Variants in ATP1A3 observed in about 807,000 individuals in gnomAD.
The protein encoded by ATP1A3 is sodium/potassium-transporting ATPase subunit alpha-3.
Under a neutral mutation model 108.8 loss-of-function variants are expected in ATP1A3, and 12 were observed. That is an observed-to-expected ratio of 0.11 (90% CI 0.07 to 0.18). The LOEUF (loss-of-function observed/expected upper bound fraction) is 0.18, where lower values mean the gene tolerates loss of function less well. Among genes scored for constraint, ATP1A3 ranks in the 10% least tolerant of loss-of-function variants. The pLI is 1.00. For synonymous variants in ATP1A3, 539 were observed against 564.5 expected, an observed-to-expected ratio of 0.95 and a Z score of 0.64; for missense variants, 498 against 1,387.7, an observed-to-expected ratio of 0.36 and a Z score of 10.19.
intron 8 of ATP1A3, among the ~76,000 whole-genome samples, chr19:41,983,177 A>G (rs911700503): frequency 6.6e-6 from 1 of 151,838 alleles, no homozygotes; most frequent in African/African-American, 2.4e-5. Context: ...TCCCAGGTTC[A>G]AGCAATTCTT....
chr19:41,989,661 T>A (rs930895630), intron 1 of ATP1A3, among the ~76,000 whole-genome samples: 1 of 152,166 alleles, frequency 6.6e-6, no homozygotes, highest in Non-Finnish European at 1.5e-5. Flanking sequence ...TCTCCATCTC[T>A]TTCTCCTCTG....
chr19:41,994,177 T>G lies in ATP1A3; in HGVS notation c.-101A>C. Reference sequence around the variant, plus strand: ...TGGGAGCCTCTGCAGCGCCCGCGCCTCGGTAGGTGCGCGCGTCCGTCCGTC... The same window carrying G: ...TGGGAGCCTCTGCAGCGCCCGCGCCGCGGTAGGTGCGCGCGTCCGTCCGTC... On this transcript the variant is annotated 5_prime_UTR_variant, in exon 1 of 23. Transcript: ENST00000648268. 8.5e-7 allele frequency: 1 copy of G among 1,183,346 alleles called. No individual in the cohort carries two copies. Among genetic ancestry groups the G allele is most frequent in the South Asian group, 1.7e-5 (1 of 59,548 alleles). 73.3% of individuals were successfully genotyped at this position (1,183,346 alleles called of 1,614,324 possible). A position where few individuals can be genotyped will look rare whatever the true frequency, so the allele number is the denominator to read the frequency against.
Position 41,968,536 on chromosome 19 carries a change from T to C in ATP1A3, c.2819+249A>G, listed in dbSNP as rs193127893. On this transcript the variant is annotated intron_variant, in intron 20 of 22. Transcript: ENST00000648268. The surrounding 1 kb of genome is among the most constrained non-coding windows in gnomAD (Gnocchi z 5.0). ...AATAAATAAATAAAAATTAGCCATA[T>C]ATGATGGTGCACACCTGTAGTCTCA... Among the ~76,000 whole-genome samples, 127 of 152,090 alleles carry C rather than the reference T, an allele frequency of 8.4e-4. 1 individual carries two copies. The highest frequency in any genetic ancestry group is 1.6e-3 in the Non-Finnish European group (109 of 67,958).
In ATP1A3 at chr19:41,966,821, G is replaced by T; in HGVS notation, c.*116C>A. 6.5e-7 allele frequency: 1 copy of T among 1,542,704 alleles called. No individual in the cohort carries two copies. The highest frequency in any genetic ancestry group is 8.8e-7 in the Non-Finnish European group (1 of 1,141,708). ...GATAGTGGAGGGGGTGGGGGCCAAG[G>T]TGGGGCCACAGGAAGAGAGGGCTCC... is the stretch of plus-strand genomic sequence containing the variant. On this transcript the variant is annotated 3_prime_UTR_variant, in exon 23 of 23. Transcript: ENST00000648268.
At chr19:41,977,555 C>T (rs1027358739) in intron 14 of ATP1A3, among the ~76,000 whole-genome samples, 1 of 146,940 alleles carries the variant, frequency 6.8e-6, no homozygotes, top group Non-Finnish European at 1.5e-5. Flanking sequence ...AAAAAATTAG[C>T]GGGGCATGGT....
In ATP1A3 at chr19:41,969,502, A is replaced by G; in HGVS notation, c.2621T>C (p.Val874Ala). The G allele has an allele frequency of 6.2e-7, 1 of 1,614,094 alleles. No individual in the cohort carries two copies. Among genetic ancestry groups the G allele is most frequent in the South Asian group, 1.1e-5 (1 of 91,078 alleles). Residue 874 changes from valine to alanine, a missense_variant, in exon 19 of 23, where the codon GTG becomes GCG. Transcript: ENST00000648268. ...AENGFLPGNL[V>A]GIRLNWDDRT... ...GTCATCCCAGTTCAGCCGGATGCCCACCAGGTTGCCGGGCAAGAAGCCATT... is the reference window on the plus strand; with the variant it reads ...GTCATCCCAGTTCAGCCGGATGCCCGCCAGGTTGCCGGGCAAGAAGCCATT...
At chr19:41,974,444 G>A (rs1269436603) in intron 16 of ATP1A3, among the ~76,000 whole-genome samples, 3 of 152,090 alleles carry the variant, frequency 2.0e-5, no homozygotes, top group Admixed American at 6.6e-5. Context: ...CTCTATCCCC[G>A]CCCCCAGCCC....
rs140106872 is a variant in ATP1A3 at position 41,982,083 on chromosome 19, C to T, written c.1017G>A (p.Lys339=). The change falls in exon 9 of 23, where the codon AAG becomes AAA. Residue 339 remains lysine (K), a synonymous_variant. Coordinates refer to ENST00000648268, the MANE Select transcript of ATP1A3 (RefSeq NM_152296.5). ...CCAGGCAGTTCTTCCGGGCCATGCG[C>T]TTGGCGGTCAGCGTCAGACACACCT... ...TVTVCLTLTA[K]RMARKNCLVK... is the part of the protein sequence containing the mutation. 5.1e-5 allele frequency: 83 copies of T among 1,614,066 alleles called. No individual in the cohort carries two copies. The highest frequency in any genetic ancestry group is 6.8e-5 in the Non-Finnish European group (80 of 1,180,038).
rs1307846463 is a variant in ATP1A3 at position 41,968,034 on chromosome 19, AGACAGAGAGACAGACACAGG to A, written c.2820-291_2820-272del. 1.3e-5 allele frequency among the ~76,000 whole-genome samples: 1 copy of A among 79,040 alleles called. No homozygotes were observed. The highest frequency in any genetic ancestry group is 2.5e-5 in the Non-Finnish European group (1 of 39,880). The allele number at this position is 79,040 out of a possible 152,430, so 51.9% of individuals were successfully genotyped here. ...GACAGACACAGAGACAGACAGGGAC[AGACAGAGAGACAGACACAGG>A]GACAGACACAGAGACAGGGACAGAA... is the stretch of plus-strand genomic sequence containing the variant. On this transcript the variant is annotated intron_variant, in intron 20 of 22. Transcript: ENST00000648268. The surrounding 1 kb of genome is among the most constrained non-coding windows in gnomAD (Gnocchi z 5.0).
At position 41,981,779 on chromosome 19, in the gene ATP1A3, A is replaced by C; in HGVS notation, c.1245T>G (p.Ala415=). ...SHTWVALSHI[A]GLCNRAVFKG... is the part of the protein sequence containing the mutation. Reference sequence around the variant, plus strand: ...TGAAGACAGCGCGATTGCAGAGCCCAGCGATGTGAGACAGGGCCACCCAGG... The same window carrying C: ...TGAAGACAGCGCGATTGCAGAGCCCCGCGATGTGAGACAGGGCCACCCAGG... The change falls in exon 10 of 23, where the codon GCT becomes GCG. Residue 415 remains alanine, a synonymous_variant. Transcript: ENST00000648268. The surrounding 1 kb of genome is among the most constrained non-coding windows in gnomAD (Gnocchi z 5.0). 1 of 1,614,232 alleles carries C rather than the reference A, an allele frequency of 6.2e-7. No homozygotes were observed. Among genetic ancestry groups the C allele is most frequent in the Non-Finnish European group, 8.5e-7 (1 of 1,180,046 alleles).
In ATP1A3 at chr19:41,978,673, G is replaced by A. The variant is rs368551273; in HGVS notation, c.1563C>T (p.Asp521=). The change falls in exon 12 of 23, where the codon GAC becomes GAT. Residue 521 remains aspartate, a synonymous_variant. Transcript: ENST00000648268. This position sits in a 1 kb window ranked among gnomAD's most constrained non-coding sequence, Gnocchi z 8.3. ...TCTGGAAGGCCTCCTTCATTTCCTCGTCCAGAGGCTGCTCCTTGCCCTGTA... is the reference window on the plus strand; with the variant it reads ...TCTGGAAGGCCTCCTTCATTTCCTCATCCAGAGGCTGCTCCTTGCCCTGTA... ...ILLQGKEQPL[D]EEMKEAFQNA... 2.0e-5 allele frequency: 32 copies of A among 1,613,906 alleles called. No homozygotes were observed. The highest frequency in any genetic ancestry group is 2.5e-5 in the Non-Finnish European group (30 of 1,179,996).
Position 41,988,579 on chromosome 19 carries a change from C to T in ATP1A3, c.7-17G>A, listed in dbSNP as rs201253471. Reference sequence around the variant, plus strand: ...TTTCTTGTCCTGCGAGGTGGCGATACGATAGCTGTCAGAGCCACCAGACTG... The same window carrying T: ...TTTCTTGTCCTGCGAGGTGGCGATATGATAGCTGTCAGAGCCACCAGACTG... On this transcript the variant is annotated splice_polypyrimidine_tract_variant and intron_variant, in intron 1 of 22. Coordinates refer to ENST00000648268, the MANE Select transcript of ATP1A3 (RefSeq NM_152296.5). This position sits in a 1 kb window ranked among gnomAD's most constrained non-coding sequence, Gnocchi z 5.3. 79 of 1,614,130 alleles carry T rather than the reference C, an allele frequency of 4.9e-5. No individual in the cohort carries two copies. The African/African-American group carries it at 6.5e-4, about 13-fold the overall frequency.
At chr19:41,969,374 TG>T in intron 19 of ATP1A3, 60 bp downstream of exon 19, 1 of 1,613,048 alleles carries the variant, frequency 6.2e-7, no homozygotes, top group Non-Finnish European at 8.5e-7. Flanking sequence ...CATGCATGGC[TG>T]GAACAGCTCA....
intron 16 of ATP1A3, among the ~76,000 whole-genome samples, chr19:41,972,084 T>C (rs563108254): frequency 9.9e-5 from 15 of 152,144 alleles, no homozygotes; most frequent in African/African-American, 3.6e-4. Flanking sequence ...ACCCCATCTC[T>C]ACTAAAAATA....
At chr19:41,993,058 C>T (rs1208051853) in intron 1 of ATP1A3, 1 of 199,806 alleles carries the variant, frequency 5.0e-6, no homozygotes, top group Non-Finnish European at 1.0e-5. Context: ...CCACCTCCAT[C>T]CCTGGGCCCA....
intron 16 of ATP1A3, among the ~76,000 whole-genome samples, chr19:41,971,441 A>G (rs1369743637): frequency 2.0e-5 from 3 of 152,216 alleles, no homozygotes; most frequent in African/African-American, 7.2e-5. Flanking sequence ...CCCAGCGAAA[A>G]GCAAGTACGA....
Position 41,981,652 on chromosome 19 carries a change from G to A in ATP1A3, c.1303-16C>T. 1 of 1,614,190 alleles carries A rather than the reference G, an allele frequency of 6.2e-7. No individual in the cohort carries two copies. Among genetic ancestry groups the A allele is most frequent in the South Asian group, 1.1e-5 (1 of 91,086 alleles). On this transcript the variant is annotated splice_polypyrimidine_tract_variant and intron_variant, in intron 10 of 22. Coordinates refer to ENST00000648268, the MANE Select transcript of ATP1A3 (RefSeq NM_152296.5). This position sits in a 1 kb window ranked among gnomAD's most constrained non-coding sequence, Gnocchi z 5.0. Reference sequence around the variant, plus strand: ...CCACATCCCTCTGCAAGGAGAAAGGGTTGTCAGAACAGGGACAGCTGAGGG... The same window carrying A: ...CCACATCCCTCTGCAAGGAGAAAGGATTGTCAGAACAGGGACAGCTGAGGG...
In ATP1A3 at chr19:41,994,155, G is replaced by T; in HGVS notation, c.-79C>A. ...GGGCTCAGGCTCAGGCTTGGGCTGG[G>T]AGCCTCTGCAGCGCCCGCGCCTCGG... On this transcript the variant is annotated 5_prime_UTR_variant, in exon 1 of 23. Coordinates refer to ENST00000648268, the MANE Select transcript of ATP1A3 (RefSeq NM_152296.5). 7.0e-7 allele frequency: 1 copy of T among 1,427,930 alleles called. No individual in the cohort carries two copies. Among genetic ancestry groups the T allele is most frequent in the Non-Finnish European group, 9.3e-7 (1 of 1,071,212 alleles). The allele number at this position is 1,427,930 out of a possible 1,614,324, so 88.5% of individuals were successfully genotyped here. A position where few individuals can be genotyped will look rare whatever the true frequency, so the allele number is the denominator to read the frequency against.
At position 41,976,506 on chromosome 19, in the gene ATP1A3, G is replaced by C. The variant is rs782209649; in HGVS notation, c.2004C>G (p.Ile668Met). The C allele has an allele frequency of 6.2e-7, 1 of 1,614,186 alleles. No homozygotes were observed. Among genetic ancestry groups the C allele is most frequent in the Non-Finnish European group, 8.5e-7 (1 of 1,180,040 alleles). Residue 668 changes from isoleucine to methionine, a missense_variant, in exon 15 of 23, where the codon ATC becomes ATG. Around this residue, in one of 9 missense-constraint regions of ATP1A3, gnomAD observed 20 missense variants for 17.8 expected, o/e 1.12. Coordinates refer to ENST00000648268, the MANE Select transcript of ATP1A3 (RefSeq NM_152296.5). ...CGGTGTGATTCTGCAGGATCTCGTC[G>C]ATTTGCTCGGAGGTGAAGTCCTTGA... ...TDLKDFTSEQ[I>M]DEILQNHTEI... is the part of the protein sequence containing the mutation.
Sources: allele counts gnomAD v4.1 joint callset (sites outside exome capture counted in the v4.1 genomes callset), GRCh38; gene constraint gnomAD v4.1.1; regional missense constraint gnomAD v4.1.1; non-coding constraint Gnocchi (gnomAD v3.1); transcripts MANE v1.5; gene names NCBI Gene and HGNC (gene_info 2026-07-23, HGNC 2026-07-21).